Variants in LRRC8D observed in about 807,000 individuals in gnomAD.
LRRC8D encodes leucine rich repeat containing 8 VRAC subunit D.
LRRC8D carries 20 observed loss-of-function variants against 55.8 expected under a neutral mutation model. The ratio of observed to expected loss-of-function variants is 0.36; its 90% confidence interval spans 0.25 to 0.52. LRRC8D has a LOEUF of 0.52. Ranked by LOEUF, LRRC8D falls within the 20% of genes least tolerant of loss-of-function variation. LRRC8D has a pLI of 0.93. For missense variants in LRRC8D, 651 were observed against 1,030.8 expected, an observed-to-expected ratio of 0.63 and a Z score of 5.05; for synonymous variants, 352 against 377.0, an observed-to-expected ratio of 0.93 and a Z score of 0.77.
chr1:89,834,212 A>G (rs781449092), intron 1 of LRRC8D, among the ~76,000 whole-genome samples: 4 of 152,134 alleles, frequency 2.6e-5, no homozygotes, highest in Middle Eastern at 3.2e-3. Context: ...ATCACTTAAC[A>G]TTTATCATTA....
At chr1:89,829,693 C>T (rs1292781981) in intron 1 of LRRC8D, among the ~76,000 whole-genome samples, 1 of 152,172 alleles carries the variant, frequency 6.6e-6, no homozygotes, top group African/African-American at 2.4e-5. Context: ...ATAGCGGCAT[C>T]CCGGCATTTA....
At chr1:89,899,311 A>G (rs1325270792) in intron 2 of LRRC8D, among the ~76,000 whole-genome samples, 3 of 152,084 alleles carry the variant, frequency 2.0e-5, no homozygotes, top group Non-Finnish European at 4.4e-5. Context: ...TTACAAACCA[A>G]TCCCATTCTG....
At chr1:89,931,572 A>C (rs12081639) in intron 2 of LRRC8D, among the ~76,000 whole-genome samples, 20 of 152,240 alleles carry the variant, frequency 1.3e-4, no homozygotes, top group African/African-American at 4.3e-4. Flanking sequence ...CAGCCTGGCC[A>C]ATATGGTGAA....
At chr1:89,821,754 G>T (rs1293828443) in intron 1 of LRRC8D, among the ~76,000 whole-genome samples, 1 of 151,926 alleles carries the variant, frequency 6.6e-6, no homozygotes, top group Non-Finnish European at 1.5e-5. Context: ...CTCCAGAATC[G>T]CCTCCCCTCC....
chr1:89,842,286 A>G (rs1319951370), intron 1 of LRRC8D, among the ~76,000 whole-genome samples: 1 of 151,418 alleles, frequency 6.6e-6, no homozygotes, highest in Non-Finnish European at 1.5e-5. Flanking sequence ...TACAGATTTT[A>G]TAATCAGGAA....
rs368143639 is a variant in LRRC8D at position 89,826,303 on chromosome 1, C to T, written c.-148+5012C>T. 6.6e-5 allele frequency among the ~76,000 whole-genome samples: 10 copies of T among 152,010 alleles called. No individual in the cohort carries two copies. The South Asian group carries it at 2.1e-3, about 32-fold the overall frequency. Reference sequence around the variant, plus strand: ...TTTTTTAGACGGAGTCTCGCTCTGTCGCCCAGGCTGGAGTGCAGTGGCGCG... The same window carrying T: ...TTTTTTAGACGGAGTCTCGCTCTGTTGCCCAGGCTGGAGTGCAGTGGCGCG... On this transcript the variant is annotated intron_variant, in intron 1 of 2. Coordinates refer to ENST00000337338, the MANE Select transcript of LRRC8D (RefSeq NM_001134479.2).
intron 2 of LRRC8D, among the ~76,000 whole-genome samples, chr1:89,900,920 C>A (rs1022359066): frequency 1.3e-5 from 2 of 152,122 alleles, no homozygotes; most frequent in Non-Finnish European, 2.9e-5. Context: ...TTTGCCATGG[C>A]GACTGGAGGC....
chr1:89,909,814 C>T (rs967508465), intron 2 of LRRC8D, among the ~76,000 whole-genome samples: 4 of 148,820 alleles, frequency 2.7e-5, no homozygotes, highest in Admixed American at 1.4e-4. Context: ...TGCAGTGAGC[C>T]GAGATCATGC....
At chr1:89,875,629 T>A (rs1366104770) in intron 2 of LRRC8D, among the ~76,000 whole-genome samples, 1 of 152,216 alleles carries the variant, frequency 6.6e-6, no homozygotes, top group Non-Finnish European at 1.5e-5. Context: ...CCACCTCTTT[T>A]AAGGTCTTCT....
intron 2 of LRRC8D, among the ~76,000 whole-genome samples, chr1:89,901,873 T>C (rs941951423): frequency 2.0e-5 from 3 of 152,246 alleles, no homozygotes; most frequent in African/African-American, 7.2e-5. Flanking sequence ...TCTGAAGGCT[T>C]CGTCTTCTTC....
chr1:89,871,889 T>G (rs960878637), intron 2 of LRRC8D, among the ~76,000 whole-genome samples: 1 of 152,192 alleles, frequency 6.6e-6, no homozygotes, highest in Admixed American at 6.5e-5. Flanking sequence ...TTGTTTGTTT[T>G]GTTTTGCTTG....
chr1:89,863,604 C>T (rs572390394), intron 2 of LRRC8D, among the ~76,000 whole-genome samples: 57 of 152,134 alleles, frequency 3.7e-4, no homozygotes, highest in African/African-American at 1.3e-3. Context: ...TTTTCTGTTG[C>T]AGGGTAGGCC....
In LRRC8D at chr1:89,868,970, G is replaced by A. The variant is rs1282070823; in HGVS notation, c.-3+25188G>A. The stretch of plus-strand genomic sequence containing the variant: ...CGCCCAGGCTGGAGTGCAGTGGTAT[G>A]ATCTTTGCTCATTGCAACCTCTGCC... On this transcript the variant is annotated intron_variant, in intron 2 of 2. Transcript: ENST00000337338. Among the ~76,000 whole-genome samples the A allele has an allele frequency of 2.0e-5, 3 of 152,106 alleles. No individual in the cohort carries two copies. In the South Asian group the frequency reaches 6.2e-4, roughly 32 times the overall value.
At chr1:89,885,635 T>C (rs921697384) in intron 2 of LRRC8D, among the ~76,000 whole-genome samples, 9 of 152,226 alleles carry the variant, frequency 5.9e-5, no homozygotes, top group Non-Finnish European at 8.8e-5. Context: ...ATATGTGCAC[T>C]AAGAAATATC....
At chr1:89,915,016 C>CTGTGTGTGTG (rs56870719) in intron 2 of LRRC8D, among the ~76,000 whole-genome samples, 46 of 144,848 alleles carry the variant, frequency 3.2e-4, no homozygotes, top group African/African-American at 1.1e-3. Context: ...TCTTGCTCTA[C>CTGTGTGTGTG]TGTGTGTGTG....
intron 2 of LRRC8D, among the ~76,000 whole-genome samples, chr1:89,877,559 A>G (rs1016876534): frequency 6.6e-6 from 1 of 152,172 alleles, no homozygotes; most frequent in Non-Finnish European, 1.5e-5. Context: ...TGTTTTAAGG[A>G]AAGTGGATTC....
At chr1:89,887,318 T>G (rs559208697) in intron 2 of LRRC8D, among the ~76,000 whole-genome samples, 1 of 152,332 alleles carries the variant, frequency 6.6e-6, no homozygotes, top group African/African-American at 2.4e-5. Context: ...AATGGTAGCA[T>G]TCACTAAATG....
At position 89,931,259 on chromosome 1, in the gene LRRC8D, A is replaced by G. The variant is rs772949955; in HGVS notation, c.-2-1808A>G. On this transcript the variant is annotated intron_variant, in intron 2 of 2. Coordinates refer to ENST00000337338, the MANE Select transcript of LRRC8D (RefSeq NM_001134479.2). The stretch of plus-strand genomic sequence containing the variant: ...TACTAGGTATGTGGAAGGGTTTCGG[A>G]AAAAAAAAAAAAAAAAAAAAGACCT... Among the ~76,000 whole-genome samples the G allele has an allele frequency of 4.9e-3, 608 of 123,934 alleles. 4 individuals are homozygous for G. The highest frequency in any genetic ancestry group is 0.018 in the African/African-American group (559 of 31,792). The allele number at this position is 123,934 out of a possible 152,430, so 81.3% of individuals were successfully genotyped here. A position where few individuals can be genotyped will look rare whatever the true frequency, so the allele number is the denominator to read the frequency against.
chr1:89,845,340 T>G (rs1176190895), intron 2 of LRRC8D, among the ~76,000 whole-genome samples: 1 of 152,218 alleles, frequency 6.6e-6, no homozygotes, highest in African/African-American at 2.4e-5. Context: ...CCTTCCTAGA[T>G]AGACATGAAC....
Sources: allele counts gnomAD v4.1 joint callset (sites outside exome capture counted in the v4.1 genomes callset), GRCh38; gene constraint gnomAD v4.1.1; transcripts MANE v1.5; gene names NCBI Gene and HGNC (gene_info 2026-07-23, HGNC 2026-07-21).